VPS13B: variants seen among roughly 807,000 people sequenced by gnomAD.
The protein encoded by VPS13B is intermembrane lipid transfer protein VPS13B.
Under a neutral mutation model 426.4 loss-of-function variants are expected in VPS13B, and 285 were observed. That is an observed-to-expected ratio of 0.67 (90% CI 0.61 to 0.74). The LOEUF (loss-of-function observed/expected upper bound fraction) is 0.74. VPS13B is among the 30% of genes least tolerant of loss of function. VPS13B has a pLI of 0.00. For missense variants in VPS13B, 4,537 were observed against 4,782.6 expected (o/e 0.95, Z 1.51); for synonymous variants, 1,676 against 1,676.4 (o/e 1.00, Z 0.01).
intron 34 of VPS13B, among the ~76,000 whole-genome samples, chr8:99,652,242 C>G (rs1016703069): frequency 1.3e-5 from 2 of 152,118 alleles, no homozygotes; most frequent in Non-Finnish European, 2.9e-5. Flanking sequence ...CTACTCCTTA[C>G]AGCTGTGTGA....
chr8:99,527,825 T>C (rs1290770098), intron 30 of VPS13B: 1 of 152,162 alleles, frequency 6.6e-6, no homozygotes, highest in Non-Finnish European at 1.5e-5. Context: ...TTTAATAAAT[T>C]GTCTGATCCA....
chr8:99,568,552 A>G (rs1430697298), intron 31 of VPS13B, among the ~76,000 whole-genome samples: 3 of 152,002 alleles, frequency 2.0e-5, no homozygotes, highest in Non-Finnish European at 2.9e-5. Context: ...CGGCCTCCCA[A>G]AGTGCTAGTA....
chr8:99,814,780 G>C (rs1014461306), intron 44 of VPS13B, among the ~76,000 whole-genome samples: 3 of 152,144 alleles, frequency 2.0e-5, no homozygotes, highest in African/African-American at 7.2e-5. Context: ...AACAATAAGA[G>C]GAAAGGAGAG....
At chr8:99,435,243 A>C (rs1817310348) in intron 22 of VPS13B, among the ~76,000 whole-genome samples, 1 of 152,236 alleles carries the variant, frequency 6.6e-6, no homozygotes, top group Non-Finnish European at 1.5e-5. Flanking sequence ...AATAATATTT[A>C]GTTGTTTAAA....
At chr8:99,081,381 T>C (rs1422955602) in intron 3 of VPS13B, among the ~76,000 whole-genome samples, 1 of 152,192 alleles carries the variant, frequency 6.6e-6, no homozygotes, top group African/African-American at 2.4e-5. Flanking sequence ...TTATCAGAAG[T>C]ATAAATCCTT....
intron 51 of VPS13B, among the ~76,000 whole-genome samples, chr8:99,826,536 C>G (rs144971069): frequency 1.4e-3 from 207 of 152,320 alleles, no homozygotes; most frequent in South Asian, 2.7e-3. Flanking sequence ...TTGACTTCCT[C>G]CCTTCCTATT....
chr8:99,187,859 T>C (rs1482076701), intron 16 of VPS13B, among the ~76,000 whole-genome samples: 1 of 151,970 alleles, frequency 6.6e-6, no homozygotes, highest in Admixed American at 6.6e-5. Context: ...TCCCAGTTAC[T>C]CGGGTGACTG....
At chr8:99,556,741 C>A (rs1824593053) in intron 31 of VPS13B, 88 bp downstream of exon 31, 3 of 1,409,544 alleles carry the variant, frequency 2.1e-6, no homozygotes, top group Non-Finnish European at 3.0e-6. Flanking sequence ...GTCCAACCAA[C>A]CTAAGTATTT....
chr8:99,240,418 G>A (rs1816861681), intron 17 of VPS13B, among the ~76,000 whole-genome samples: 1 of 152,104 alleles, frequency 6.6e-6, no homozygotes, highest in Non-Finnish European at 1.5e-5. Flanking sequence ...GCAATGTTAG[G>A]TAGTTAAATG....
intron 51 of VPS13B, among the ~76,000 whole-genome samples, chr8:99,826,895 C>G (rs1008979686): frequency 6.6e-6 from 1 of 151,938 alleles, no homozygotes; most frequent in Admixed American, 6.6e-5. Flanking sequence ...TGTGTTGAAC[C>G]AGTCGTGCAT....
At chr8:99,289,557 T>C (rs1819620409) in intron 19 of VPS13B, among the ~76,000 whole-genome samples, 1 of 152,126 alleles carries the variant, frequency 6.6e-6, no homozygotes. Flanking sequence ...ACAGGAAATG[T>C]CAAGAATCTA....
In VPS13B at chr8:99,739,049, G is replaced by A. The variant is rs796724000; in HGVS notation, c.7050+18002G>A. 2.6e-4 allele frequency among the ~76,000 whole-genome samples: 40 copies of A among 152,338 alleles called. 1 individual carries two copies. Among genetic ancestry groups the A allele is most frequent in the Middle Eastern group, 3.4e-3 (1 of 294 alleles). Reference sequence around the variant, plus strand: ...GCATCGCCTCACCCAGGAAGCGCAAGGGGTCAGGGAATACCCTTTCCTAGT... The same window carrying A: ...GCATCGCCTCACCCAGGAAGCGCAAAGGGTCAGGGAATACCCTTTCCTAGT... On this transcript the variant is annotated intron_variant, in intron 39 of 61. Coordinates refer to ENST00000357162, the MANE Select transcript of VPS13B (RefSeq NM_152564.5).
Position 99,828,392 on chromosome 8 carries a change from CCGTTTTTTTTTTTT to C in VPS13B, c.9331-3976_9331-3963del, listed in dbSNP as rs1358105316. On this transcript the variant is annotated intron_variant, in intron 51 of 61. Coordinates refer to ENST00000357162, the MANE Select transcript of VPS13B (RefSeq NM_152564.5). ...TTATCAGAGACTAGGATTACAACCACCGTTTTTTTTTTTTTTTTTTTTTTTTTTTTTTTTTTTTT... is the reference window on the plus strand; with the variant it reads ...TTATCAGAGACTAGGATTACAACCACTTTTTTTTTTTTTTTTTTTTTTTTT... 7.4e-3 allele frequency among the ~76,000 whole-genome samples: 354 copies of C among 47,590 alleles called. 42 individuals are homozygous for C. Among genetic ancestry groups the C allele is most frequent in the African/African-American group, 0.023 (253 of 10,980 alleles). 31.2% of individuals were successfully genotyped at this position (47,590 alleles called of 152,430 possible).
At chr8:99,304,012 G>A (rs1211407238) in intron 19 of VPS13B, among the ~76,000 whole-genome samples, 1 of 152,044 alleles carries the variant, frequency 6.6e-6, no homozygotes, top group African/African-American at 2.4e-5. Flanking sequence ...TTATAGTATA[G>A]TGGTTAAAAA....
At chr8:99,161,704 C>G (rs527530174) in intron 15 of VPS13B, among the ~76,000 whole-genome samples, 1 of 148,622 alleles carries the variant, frequency 6.7e-6, no homozygotes, top group African/African-American at 2.6e-5. Flanking sequence ...GTGGGAAAAC[C>G]ATTCCCTGGT....
At chr8:99,076,480 T>C (rs565179834) in intron 3 of VPS13B, among the ~76,000 whole-genome samples, 2 of 152,324 alleles carry the variant, frequency 1.3e-5, no homozygotes, top group South Asian at 4.1e-4. Flanking sequence ...ATTATTGTAT[T>C]GGAGCTATCT....
At chr8:99,324,413 T>C (rs1194437361) in intron 19 of VPS13B, among the ~76,000 whole-genome samples, 2 of 152,208 alleles carry the variant, frequency 1.3e-5, no homozygotes, top group African/African-American at 4.8e-5. Flanking sequence ...TTTATTCCAC[T>C]GGACCAAAGC....
chr8:99,147,815 T>C (rs201247975), intron 13 of VPS13B, 26 bp from the exon 14 acceptor site: 1 of 1,366,258 alleles, frequency 7.3e-7, no homozygotes, highest in East Asian at 2.7e-5. Context: ...ATATTCTTTA[T>C]TAATTTTTTA....
chr8:99,875,619 A>G lies in VPS13B; in HGVS notation c.11947A>G (p.Lys3983Glu), dbSNP rs1168148534. 9 of 1,614,060 alleles carry G rather than the reference A, an allele frequency of 5.6e-6. No individual in the cohort carries two copies. The highest frequency in any genetic ancestry group is 1.7e-5 in the Admixed American group (1 of 60,006). ...DPHFAQVFLS[K>E]FTMVKNKALR... The stretch of plus-strand genomic sequence containing the variant: ...ACATTTTGCTCAGGTCTTCCTTAGT[A>G]AATTTACCATGGTGAAAAATAAAGC... Residue 3983 changes from lysine to glutamate, a missense_variant, in exon 62 of 62, where the codon AAA (lysine) becomes GAA (glutamate). Lys to Glu is a moderately conservative substitution (Grantham distance 56, BLOSUM62 1). Around this residue, in one of 2 missense-constraint regions of VPS13B, gnomAD observed 4,311 missense variants for 4,474.3 expected, o/e 0.96. Coordinates refer to ENST00000357162, the MANE Select transcript of VPS13B (RefSeq NM_152564.5).
Sources: gnomAD v4.1 joint callset for allele counts (sites outside exome capture counted in the v4.1 genomes callset) on GRCh38, gnomAD v4.1.1 for gene constraint, gnomAD v4.1.1 regional missense constraint, MANE v1.5 for transcripts, NCBI Gene and HGNC (gene_info 2026-07-23, HGNC 2026-07-21) for gene names.